SLC44A5: variants seen among roughly 807,000 people sequenced by gnomAD.
SLC44A5 encodes solute carrier family 44 member 5.
In SLC44A5, 57 loss-of-function variants were observed where a neutral mutation model predicts 101.8. The ratio of observed to expected loss-of-function variants is 0.56; its 90% CI spans 0.45 to 0.70. The LOEUF is 0.70. Ranked by LOEUF, SLC44A5 falls within the 30% of genes least tolerant of loss-of-function variation. SLC44A5 has a pLI of 0.00. For synonymous variants in SLC44A5, 281 were observed against 290.9 expected (o/e 0.97, Z 0.35); for missense variants, 737 against 853.1 (o/e 0.86, Z 1.70).
intron 3 of SLC44A5, among the ~76,000 whole-genome samples, chr1:75,356,209 C>CAAAAAA (rs35660365): frequency 2.6e-5 from 2 of 76,102 alleles, no homozygotes; most frequent in Non-Finnish European, 4.8e-5. Flanking sequence ...AAGACTGCCT[C>CAAAAAA]AAAAAAAAAA....
chr1:75,581,991 G>T, intron 1 of SLC44A5: 1 of 491,062 alleles, frequency 2.0e-6, no homozygotes, highest in Non-Finnish European at 3.7e-6. Context: ...AGCCTCGGGT[G>T]TTCTTTTACA....
chr1:75,493,900 T>C (rs975940842), intron 2 of SLC44A5, among the ~76,000 whole-genome samples: 1 of 152,210 alleles, frequency 6.6e-6, no homozygotes, highest in African/African-American at 2.4e-5. Context: ...CAAAGCAGCA[T>C]CTGCCTGAGG....
chr1:75,468,249 G>A (rs993621060), intron 2 of SLC44A5, among the ~76,000 whole-genome samples: 4 of 152,092 alleles, frequency 2.6e-5, no homozygotes, highest in African/African-American at 9.7e-5. Flanking sequence ...CTACTATGGA[G>A]AACAGTTTTG....
At chr1:75,289,342 G>A (rs1653342581) in intron 5 of SLC44A5, among the ~76,000 whole-genome samples, 1 of 152,170 alleles carries the variant, frequency 6.6e-6, no homozygotes, top group Non-Finnish European at 1.5e-5. Context: ...CTAGGGTGTT[G>A]AAGAAAATCC....
rs113178135 is a variant in SLC44A5 at position 75,496,927 on chromosome 1, A to G, written c.13+44508T>C. Reference sequence around the variant, plus strand: ...CAGGGAAATGCACATCAAAACCACAATGAGATATCACTTCACACCTATTAG... The same window carrying G: ...CAGGGAAATGCACATCAAAACCACAGTGAGATATCACTTCACACCTATTAG... On this transcript the variant is annotated intron_variant, in intron 2 of 23. Coordinates refer to ENST00000370859, the MANE Select transcript of SLC44A5 (RefSeq NM_001130058.2). 5.8e-3 allele frequency among the ~76,000 whole-genome samples: 881 copies of G among 152,242 alleles called. 4 individuals carry two copies. Among genetic ancestry groups the G allele is most frequent in the African/African-American group, 0.02 (844 of 41,552 alleles).
chr1:75,720,509 T>G, the SLC44A5 span: 12 of 152,216 alleles, frequency 7.9e-5, no homozygotes, highest in Non-Finnish European at 1.0e-4. Flanking sequence ...AGATGAAAGA[T>G]TGTTTGGCAT....
chr1:75,234,193 T>A lies in SLC44A5; in HGVS notation c.741-95A>T, dbSNP rs560125164. On this transcript the variant is annotated intron_variant, in intron 11 of 23. Coordinates refer to ENST00000370859, the MANE Select transcript of SLC44A5 (RefSeq NM_001130058.2). ...AAACTTTTTTTCTATTCAAAATTAT[T>A]CTTAAATTCTTTTATTTTACCTGGC... is the stretch of plus-strand genomic sequence containing the variant. The A allele has an allele frequency of 3.9e-6, 3 of 774,652 alleles. No homozygotes were observed. In the East Asian group the frequency reaches 8.0e-5, roughly 21 times the overall value. The allele number at this position is 774,652 out of a possible 1,614,324, so 48.0% of individuals were successfully genotyped here.
At chr1:75,688,756 C>A in the SLC44A5 span, among the ~76,000 whole-genome samples, 1 of 152,078 alleles carries the variant, frequency 6.6e-6, no homozygotes, top group Non-Finnish European at 1.5e-5. Flanking sequence ...TGTCAGTATC[C>A]CCTCAAACCA....
intron 2 of SLC44A5, among the ~76,000 whole-genome samples, chr1:75,518,938 A>C (rs900887458): frequency 1.3e-5 from 2 of 152,232 alleles, no homozygotes; most frequent in African/African-American, 4.8e-5. Flanking sequence ...ATGGTTTCAC[A>C]ACTCTGTATA....
chr1:75,398,708 A>G (rs1441955170), intron 2 of SLC44A5, among the ~76,000 whole-genome samples: 1 of 152,166 alleles, frequency 6.6e-6, no homozygotes, highest in African/African-American at 2.4e-5. Flanking sequence ...TAATGAATCA[A>G]AAAAAGCAAA....
chr1:75,651,379 G>T, the SLC44A5 span, among the ~76,000 whole-genome samples: 2 of 152,150 alleles, frequency 1.3e-5, no homozygotes, highest in Non-Finnish European at 2.9e-5. Context: ...TACAGACATT[G>T]TTCTAGGTCT....
At chr1:75,337,457 C>T (rs10493574) in intron 4 of SLC44A5, among the ~76,000 whole-genome samples, 14,638 of 152,148 alleles carry the variant, frequency 0.096, 918 homozygotes, top group African/African-American at 0.17. Context: ...AGCATCTTAT[C>T]GGAGAGCTTT....
the SLC44A5 span, among the ~76,000 whole-genome samples, chr1:75,711,308 A>G: frequency 6.6e-6 from 1 of 152,278 alleles, no homozygotes; most frequent in South Asian, 2.1e-4. Context: ...AGCAGATATA[A>G]AGACAACAGC....
intron 3 of SLC44A5, among the ~76,000 whole-genome samples, chr1:75,384,852 A>G (rs1475913670): frequency 1.3e-5 from 2 of 151,306 alleles, no homozygotes; most frequent in East Asian, 2.0e-4. Flanking sequence ...ATTATAACAA[A>G]CTATCTCTCA....
the SLC44A5 span, among the ~76,000 whole-genome samples, chr1:75,660,699 G>A: frequency 6.6e-6 from 1 of 152,010 alleles, no homozygotes; most frequent in Non-Finnish European, 1.5e-5. Flanking sequence ...AATCAAGAAA[G>A]CAAGCCCATT....
intron 1 of SLC44A5, among the ~76,000 whole-genome samples, chr1:75,610,136 T>TACACACACACAC (rs144198306): frequency 4.0e-4 from 58 of 144,328 alleles, no homozygotes; most frequent in East Asian, 2.5e-3. Flanking sequence ...AGTCAAGAAA[T>TACACACACACAC]ACACACACAC....
intron 1 of SLC44A5, among the ~76,000 whole-genome samples, chr1:75,558,464 C>T (rs1327225016): frequency 6.6e-6 from 1 of 152,058 alleles, no homozygotes; most frequent in Non-Finnish European, 1.5e-5. Context: ...CAGTTCACTG[C>T]TTTTTGTCAT....
At position 75,238,608 on chromosome 1, in the gene SLC44A5, A is replaced by G; in HGVS notation, c.561T>C (p.Ser187=). 1.3e-6 allele frequency: 2 copies of G among 1,579,236 alleles called. No individual in the cohort carries two copies. The highest frequency in any genetic ancestry group is 1.7e-6 in the Non-Finnish European group (2 of 1,159,730). ...PFLQRCFPDF[S]TKNGTLTIGS... ...CTATTGTTAAAGTGCCATTTTTGGT[A>G]GAGAAGTCAGGGAAACATCTCTGGA... Residue 187 remains serine (S), a synonymous_variant, in exon 10 of 24, where the codon TCT becomes TCC. Coordinates refer to ENST00000370859, the MANE Select transcript of SLC44A5 (RefSeq NM_001130058.2).
intron 5 of SLC44A5, among the ~76,000 whole-genome samples, chr1:75,280,413 AT>A (rs1372924196): frequency 9.2e-6 from 1 of 108,386 alleles, no homozygotes. Flanking sequence ...TATTGTATAT[AT>A]AATATATATA....
Sources: gnomAD v4.1 joint callset for allele counts (sites outside exome capture counted in the v4.1 genomes callset) on GRCh38, gnomAD v4.1.1 for gene constraint, MANE v1.5 for transcripts, NCBI Gene and HGNC (gene_info 2026-07-23, HGNC 2026-07-21) for gene names.